The following ATP6V0A2 variants were observed in gnomAD, a reference collection of about 807,000 sequenced individuals.
ATP6V0A2 encodes the protein V-type proton ATPase 116 kDa subunit a 2.
A neutral mutation model predicts 104.4 loss-of-function variants in ATP6V0A2; 58 were observed. That is an observed-to-expected ratio of 0.56 (90% confidence interval 0.45 to 0.69). The LOEUF is 0.69. Ranked by LOEUF, ATP6V0A2 falls within the 30% of genes least tolerant of loss-of-function variation. The probability of loss-of-function intolerance (pLI) is 0.00; values close to 1 mark genes in which losing one functional copy is unlikely to be tolerated. For missense variants in ATP6V0A2, 938 were observed against 1,062.9 expected, an observed-to-expected ratio of 0.88 and a Z score of 1.63; for synonymous variants, 376 against 397.9, an observed-to-expected ratio of 0.95 and a Z score of 0.65.
Position 123,752,424 on chromosome 12 carries a change from T to G in ATP6V0A2, c.2175+22T>G, listed in dbSNP as rs569951794. On this transcript the variant is annotated intron_variant, in intron 17 of 19. Transcript: ENST00000330342. ...AGAGGTAAATCTTTTCAACTGCTAT[T>G]GATAAACTTAGATAAGTAACCAAGC... 6 of 1,613,414 alleles carry G rather than the reference T, an allele frequency of 3.7e-6. No homozygotes were observed. The East Asian group carries it at 1.3e-4, about 36-fold the overall frequency.
rs1164567854 is a variant in ATP6V0A2, at chr12:123,759,837, A to G, written c.*1805A>G. On this transcript the variant is annotated 3_prime_UTR_variant, in exon 20 of 20. Coordinates refer to ENST00000330342, the MANE Select transcript of ATP6V0A2 (RefSeq NM_012463.4). ...ACTTGATGAGATGTTACCCAAGGCC[A>G]GTTTGGACTTACTGCTTTTTGTCCC... The G allele has an allele frequency of 2.0e-5, 3 of 152,228 alleles. 1 individual carries two copies. In the East Asian group the frequency reaches 5.8e-4, roughly 29 times the overall value. 9.4% of individuals were successfully genotyped at this position (152,228 alleles called of 1,614,324 possible).
At chr12:123,747,395 C>T (rs1956672426) in intron 13 of ATP6V0A2, among the ~76,000 whole-genome samples, 3 of 152,288 alleles carry the variant, frequency 2.0e-5, no homozygotes, top group East Asian at 1.9e-4. Flanking sequence ...CACCCTTTGA[C>T]GTTAACACCG....
intron 1 of ATP6V0A2, among the ~76,000 whole-genome samples, chr12:123,714,092 A>G (rs977907736): frequency 1.3e-5 from 2 of 152,210 alleles, no homozygotes; most frequent in African/African-American, 4.8e-5. Flanking sequence ...GCAGGCTCCT[A>G]CATTTGTAAC....
Position 123,760,663 on chromosome 12 carries a change from C to A in ATP6V0A2, c.*2631C>A, listed in dbSNP as rs1198700239. 1 of 152,052 alleles carries A rather than the reference C, an allele frequency of 6.6e-6. No individual in the cohort carries two copies. The highest frequency in any genetic ancestry group is 2.4e-5 in the African/African-American group (1 of 41,360). The allele number at this position is 152,052 out of a possible 1,614,324, so 9.4% of individuals were successfully genotyped here. The stretch of plus-strand genomic sequence containing the variant: ...CCATGTGTTAACAGAATCTTAAAAC[C>A]CAAGGGATTTCTTCAGTAAACTAGA... On this transcript the variant is annotated 3_prime_UTR_variant, in exon 20 of 20. Coordinates refer to ENST00000330342, the MANE Select transcript of ATP6V0A2 (RefSeq NM_012463.4).
At chr12:123,737,872 T>G (rs749055248) in intron 9 of ATP6V0A2, among the ~76,000 whole-genome samples, 6 of 152,254 alleles carry the variant, frequency 3.9e-5, no homozygotes, top group Admixed American at 6.5e-5. Flanking sequence ...TCTTTTCACT[T>G]AATAAAACTT....
chr12:123,732,871 C>T (rs1037141510), intron 6 of ATP6V0A2: 3 of 152,102 alleles, frequency 2.0e-5, no homozygotes, highest in Non-Finnish European at 4.4e-5. Flanking sequence ...TTCCCTTCCC[C>T]TCCCAGGTCA....
chr12:123,730,290 C>A (rs1341491403), intron 6 of ATP6V0A2, among the ~76,000 whole-genome samples: 1 of 151,946 alleles, frequency 6.6e-6, no homozygotes, highest in African/African-American at 2.4e-5. Flanking sequence ...CTCCTGACCT[C>A]ATGATCCACC....
chr12:123,734,937 T>C (rs1593900486), intron 7 of ATP6V0A2, among the ~76,000 whole-genome samples: 1 of 152,178 alleles, frequency 6.6e-6, no homozygotes, highest in Non-Finnish European at 1.5e-5. Flanking sequence ...AAGGCTAGAA[T>C]AGGTATTTAA....
chr12:123,733,784 C>T (rs1956526336), intron 6 of ATP6V0A2, 142 bp from the exon 7 acceptor site: 61 of 703,862 alleles, frequency 8.7e-5, no homozygotes, highest in South Asian at 8.4e-4. Context: ...TAGGTGAATT[C>T]GTAATTACAG....
chr12:123,756,676 GGT>G, intron 18 of ATP6V0A2, 137 bp from the exon 19 acceptor site: 2 of 830,530 alleles, frequency 2.4e-6, no homozygotes. Context: ...GAAACAGTTG[GGT>G]CTGTGTTACA....
Position 123,724,698 on chromosome 12 carries a change from G to A in ATP6V0A2, c.339G>A (p.Lys113=). Residue 113 remains lysine, a synonymous_variant, in exon 4 of 20, where the codon AAG becomes AAA. Transcript: ENST00000330342. ...KLEVELREVT[K]NKEKLRKNLL... ...AGGTTGAACTGAGAGAAGTCACTAA[G>A]AACAAGGAGAAACTGAGGAAAAACT... 1.2e-6 allele frequency: 2 copies of A among 1,613,846 alleles called. No homozygotes were observed. Among genetic ancestry groups the A allele is most frequent in the Non-Finnish European group, 1.7e-6 (2 of 1,179,880 alleles).
In ATP6V0A2 at chr12:123,744,963, C is replaced by T; in HGVS notation, c.1596C>T (p.Gly532=). The T allele has an allele frequency of 1.9e-6, 3 of 1,614,156 alleles. No individual in the cohort carries two copies. Among genetic ancestry groups the T allele is most frequent in the Non-Finnish European group, 2.5e-6 (3 of 1,179,980 alleles). ...TGTTCCGAGGCCCTTATCCCCTTGG[C>T]ATTGATCCTGTGAGTGCACCACGCT... ...PGVFRGPYPL[G]IDPIWNLATN... Residue 532 remains glycine (G), a synonymous_variant, in exon 13 of 20, where the codon GGC becomes GGT. Transcript: ENST00000330342. This position sits in a 1 kb window ranked among gnomAD's most constrained non-coding sequence, Gnocchi z 5.4.
chr12:123,744,559 C>T lies in ATP6V0A2; in HGVS notation c.1327-38C>T. ...CCGACAGCTGTCACATGGACACCCT[C>T]CAGTAACCATATTCTGCCCCCGCCT... On this transcript the variant is annotated intron_variant, in intron 11 of 19. Coordinates refer to ENST00000330342, the MANE Select transcript of ATP6V0A2 (RefSeq NM_012463.4). The surrounding 1 kb of genome is among the most constrained non-coding windows in gnomAD (Gnocchi z 5.4). 1 of 1,611,256 alleles carries T rather than the reference C, an allele frequency of 6.2e-7. No homozygotes were observed. The highest frequency in any genetic ancestry group is 8.5e-7 in the Non-Finnish European group (1 of 1,179,350).
intron 2 of ATP6V0A2, among the ~76,000 whole-genome samples, chr12:123,719,769 C>T (rs1956380464): frequency 1.3e-5 from 2 of 152,198 alleles, no homozygotes; most frequent in East Asian, 3.9e-4. Context: ...ACTTATCAGG[C>T]CTTCCTGCGA....
chr12:123,735,996 C>G (rs2333836), intron 8 of ATP6V0A2, among the ~76,000 whole-genome samples: 88,900 of 151,174 alleles, frequency 0.59, 26,863 homozygotes, highest in East Asian at 0.94. Context: ...CCTCAGCCTC[C>G]CAAGTAGCCG....
At position 123,744,797 on chromosome 12, in the gene ATP6V0A2, T is replaced by TA. The variant is rs1468391889; in HGVS notation, c.1514+14dup. 1 of 1,614,116 alleles carries TA rather than the reference T, an allele frequency of 6.2e-7. No homozygotes were observed. Among genetic ancestry groups the TA allele is most frequent in the South Asian group, 1.1e-5 (1 of 91,080 alleles). ...TGGTGCTTTGGAAGTAAGTGTCCCA[T>TA]AGCTGGTGATGCTCTGGGTGGAAAG... On this transcript the variant is annotated intron_variant, in intron 12 of 19. Transcript: ENST00000330342. This position sits in a 1 kb window ranked among gnomAD's most constrained non-coding sequence, Gnocchi z 5.4.
At chr12:123,712,784 G>A (rs1176586753) in intron 1 of ATP6V0A2, 102 bp downstream of exon 1, 4 of 1,000,846 alleles carry the variant, frequency 4.0e-6, no homozygotes, top group Non-Finnish European at 6.1e-6. Context: ...GGAAGGGCGC[G>A]CCCCGTCCCC....
Position 123,752,460 on chromosome 12 carries a change from A to G in ATP6V0A2, c.2175+58A>G, listed in dbSNP as rs536987865. The G allele has an allele frequency of 1.8e-5, 29 of 1,594,030 alleles. No individual in the cohort carries two copies. In the African/African-American group the frequency reaches 3.4e-4, roughly 18 times the overall value. ...GATAAGTAACCAAGCTTCCATAGAG[A>G]TAATCATGTTAAGATAATATTTAAT... On this transcript the variant is annotated intron_variant, in intron 17 of 19. Transcript: ENST00000330342.
chr12:123,748,500 G>A (rs903939922), intron 14 of ATP6V0A2, 75 bp from the exon 15 acceptor site: 1 of 1,102,218 alleles, frequency 9.1e-7, no homozygotes, highest in Non-Finnish European at 1.4e-6. Flanking sequence ...TAGTTTAGTT[G>A]CAGAGAGTTT....
Sources: gnomAD v4.1 joint callset for allele counts (sites outside exome capture counted in the v4.1 genomes callset) on GRCh38, gnomAD v4.1.1 for gene constraint, Gnocchi (gnomAD v3.1) non-coding constraint, MANE v1.5 for transcripts, NCBI Gene and HGNC (gene_info 2026-07-23, HGNC 2026-07-21) for gene names.